YTHDF2: variants seen among roughly 807,000 people sequenced by gnomAD.
The protein encoded by YTHDF2 is YTH N6-methyladenosine RNA binding protein F2, also known as YTH domain-containing family protein 2.
In YTHDF2, 2 loss-of-function variants were observed where a neutral mutation model predicts 50.4. The observed-to-expected ratio is 0.04, with a 90% CI of 0.02 to 0.12. The LOEUF (loss-of-function observed/expected upper bound fraction) is 0.12, where lower values mean the gene tolerates loss of function less well. YTHDF2 is among the 10% of genes least tolerant of loss of function. The pLI is 1.00. For missense variants in YTHDF2, 483 were observed against 722.6 expected, an observed-to-expected ratio of 0.67 and a Z score of 3.80; for synonymous variants, 217 against 255.6, an observed-to-expected ratio of 0.85 and a Z score of 1.44.
intron 4 of YTHDF2, among the ~76,000 whole-genome samples, chr1:28,761,589 T>A (rs189907100): frequency 6.6e-6 from 1 of 151,994 alleles, no homozygotes; most frequent in African/African-American, 2.4e-5. Context: ...AATACAAAAT[T>A]AGCTGGGCAT....
chr1:28,753,272 G>A (rs539084784), intron 4 of YTHDF2, among the ~76,000 whole-genome samples: 2 of 137,634 alleles, frequency 1.5e-5, no homozygotes, highest in Non-Finnish European at 3.0e-5. Flanking sequence ...CGTAATCCTC[G>A]CACTTTGGGG....
intron 4 of YTHDF2, among the ~76,000 whole-genome samples, chr1:28,759,998 T>A (rs2088090813): frequency 6.6e-6 from 1 of 152,090 alleles, no homozygotes; most frequent in South Asian, 2.1e-4. Flanking sequence ...AACATCTTTT[T>A]AAAAACTATG....
At chr1:28,761,110 T>A (rs1357219230) in intron 4 of YTHDF2, among the ~76,000 whole-genome samples, 1 of 108,688 alleles carries the variant, frequency 9.2e-6, no homozygotes, top group African/African-American at 4.0e-5. Context: ...TGCATGAGTG[T>A]GTGTGTGTGT....
rs1570457245 is a variant in YTHDF2, at chr1:28,737,066, G to C, written c.-55G>C. The C allele has an allele frequency of 3.8e-6, 6 of 1,560,306 alleles. No homozygotes were observed. In the East Asian group the frequency reaches 1.4e-4, roughly 37 times the overall value. On this transcript the variant is annotated 5_prime_UTR_variant, in exon 1 of 5. Coordinates refer to ENST00000373812, the MANE Select transcript of YTHDF2 (RefSeq NM_016258.3). ...CCGCAGACGGGGCTCATCTGCCGCCGCCGCCGCGCTGAGGAGAGTTCGCCG... is the reference window on the plus strand; with the variant it reads ...CCGCAGACGGGGCTCATCTGCCGCCCCCGCCGCGCTGAGGAGAGTTCGCCG...
intron 4 of YTHDF2, among the ~76,000 whole-genome samples, chr1:28,761,928 G>C (rs1167851923): frequency 3.3e-5 from 5 of 152,232 alleles, no homozygotes; most frequent in Admixed American, 3.3e-4. Flanking sequence ...GGGGAAGTTA[G>C]CATCTTAATT....
At chr1:28,762,010 T>C (rs930791171) in intron 4 of YTHDF2, among the ~76,000 whole-genome samples, 1 of 152,168 alleles carries the variant, frequency 6.6e-6, no homozygotes, top group Admixed American at 6.6e-5. Context: ...ATTTAACTTA[T>C]TCACGGCATT....
At chr1:28,754,766 T>A (rs1209494706) in intron 4 of YTHDF2, among the ~76,000 whole-genome samples, 1 of 152,044 alleles carries the variant, frequency 6.6e-6, no homozygotes, top group Non-Finnish European at 1.5e-5. Flanking sequence ...ATTGCTCCAC[T>A]GCACTCCAGC....
Position 28,742,526 on chromosome 1 carries a change from T to C in YTHDF2, c.256T>C (p.Leu86=), listed in dbSNP as rs762613721. ...GGGGGGTGACACAGCCATGCCCTAC[T>C]TAACTTCTTATGGACAGCTGAGCAA... is the stretch of plus-strand genomic sequence containing the variant. ...STGGDTAMPY[L]TSYGQLSNGE... The change falls in exon 4 of 5, where the codon TTA becomes CTA. Residue 86 remains leucine, a synonymous_variant. Transcript: ENST00000373812. 33 of 1,614,142 alleles carry C rather than the reference T, an allele frequency of 2.0e-5. No homozygotes were observed. Among genetic ancestry groups the C allele is most frequent in the Non-Finnish European group, 2.8e-5 (33 of 1,180,024 alleles).
At chr1:28,761,365 T>C (rs2088127446) in intron 4 of YTHDF2, among the ~76,000 whole-genome samples, 1 of 152,092 alleles carries the variant, frequency 6.6e-6, no homozygotes, top group Admixed American at 6.6e-5. Flanking sequence ...CTTGAATTCC[T>C]GGGCTTAAGT....
intron 4 of YTHDF2, among the ~76,000 whole-genome samples, chr1:28,760,271 TTGTGTGTGTGTGTGTGTGTGTGTGTGTG>T (rs28969505): frequency 1.4e-5 from 2 of 147,252 alleles, no homozygotes; most frequent in South Asian, 2.2e-4. Flanking sequence ...ACATAGTAGG[TTGTGTGTGTGTGTGTGTGTGTGTGTGTG>T]TGTGTGTGTG....
intron 4 of YTHDF2, among the ~76,000 whole-genome samples, chr1:28,754,963 C>CAAAAAAAA (rs58411768): frequency 1.2e-5 from 1 of 81,456 alleles, no homozygotes; most frequent in Non-Finnish European, 2.4e-5. Flanking sequence ...GGTGACAGCT[C>CAAAAAAAA]AAAAAAAAAA....
intron 3 of YTHDF2, among the ~76,000 whole-genome samples, chr1:28,740,104 G>A (rs2087753333): frequency 6.6e-6 from 1 of 152,298 alleles, no homozygotes; most frequent in Admixed American, 6.5e-5. Flanking sequence ...ACTTGAGCAA[G>A]TGATTGGAAA....
In YTHDF2 at chr1:28,742,417, T is replaced by G. The variant is rs1570462672; in HGVS notation, c.147T>G (p.Thr49=). The G allele has an allele frequency of 1.9e-6, 3 of 1,565,046 alleles. No individual in the cohort carries two copies. ...SPQARPNNAY[T]AMSDSYLPSY... is the part of the protein sequence containing the mutation. Reference sequence around the variant, plus strand: ...TTCTTCCACAGAATAATGCATATACTGCCATGTCAGATTCCTACTTACCCA... The same window carrying G: ...TTCTTCCACAGAATAATGCATATACGGCCATGTCAGATTCCTACTTACCCA... The change falls in exon 4 of 5, where the codon ACT becomes ACG. Residue 49 remains threonine (T), a synonymous_variant. Transcript: ENST00000373812.
chr1:28,749,868 G>C (rs948322039), intron 4 of YTHDF2, among the ~76,000 whole-genome samples: 1 of 151,774 alleles, frequency 6.6e-6, no homozygotes, highest in Admixed American at 6.6e-5. Flanking sequence ...GATTGTGGTG[G>C]CAACAGTTTG....
chr1:28,750,540 T>A (rs187290767), intron 4 of YTHDF2, among the ~76,000 whole-genome samples: 106 of 152,256 alleles, frequency 7.0e-4, no homozygotes, highest in Admixed American at 1.7e-3. Context: ...CAGGATAACA[T>A]TTCAGGTTTG....
intron 4 of YTHDF2, among the ~76,000 whole-genome samples, chr1:28,765,215 C>G (rs916148502): frequency 6.6e-6 from 1 of 152,058 alleles, no homozygotes; most frequent in Non-Finnish European, 1.5e-5. Context: ...CTTGCCCAGG[C>G]TGGTCTCGAA....
intron 2 of YTHDF2, among the ~76,000 whole-genome samples, 186 bp from the exon 3 acceptor site, chr1:28,738,073 G>A (rs1444191430): frequency 1.3e-5 from 2 of 152,090 alleles, no homozygotes; most frequent in East Asian, 3.9e-4. Context: ...ACTTGCTCTG[G>A]GTGGAGGGGG....
intron 3 of YTHDF2, chr1:28,740,284 T>G (rs976123827): frequency 8.5e-5 from 13 of 152,242 alleles, no homozygotes; most frequent in African/African-American, 3.1e-4. Context: ...TAAAACATTG[T>G]GTAATTCAAA....
intron 4 of YTHDF2, among the ~76,000 whole-genome samples, chr1:28,762,145 C>T (rs1390668472): frequency 1.3e-5 from 2 of 152,210 alleles, no homozygotes; most frequent in African/African-American, 4.8e-5. Context: ...GTAATCCCAG[C>T]ACTTTGGGAG....
Sources: allele counts gnomAD v4.1 joint callset (sites outside exome capture counted in the v4.1 genomes callset), GRCh38; gene constraint gnomAD v4.1.1; transcripts MANE v1.5; gene names NCBI Gene and HGNC (gene_info 2026-07-23, HGNC 2026-07-21).